The following CPNE8 variants were observed in gnomAD, a reference collection of about 807,000 sequenced individuals.
CPNE8 encodes the protein copine-8.
A neutral mutation model predicts 81.5 loss-of-function variants in CPNE8; 45 were observed. That is an observed-to-expected ratio of 0.55 (90% CI 0.44 to 0.71). The LOEUF (loss-of-function observed/expected upper bound fraction) is 0.71, where lower values mean the gene tolerates loss of function less well. CPNE8 is among the 30% of genes least tolerant of loss of function. The pLI is 0.00. For synonymous variants in CPNE8, 252 were observed against 226.3 expected (o/e 1.11, Z -1.02); for missense variants, 594 against 672.1 (o/e 0.88, Z 1.28).
At chr12:38,695,092 C>T (rs1432076159) in intron 14 of CPNE8, among the ~76,000 whole-genome samples, 2 of 152,178 alleles carry the variant, frequency 1.3e-5, no homozygotes, top group Non-Finnish European at 2.9e-5. Context: ...TTCCCCTCAA[C>T]TTGACTAAAC....
chr12:38,841,245 T>C (rs554367073), intron 4 of CPNE8, among the ~76,000 whole-genome samples: 20 of 152,242 alleles, frequency 1.3e-4, no homozygotes, highest in Admixed American at 3.3e-4. Flanking sequence ...AGACAACACC[T>C]GAACAATCTT....
At chr12:38,818,517 T>A (rs1210906120) in intron 6 of CPNE8, among the ~76,000 whole-genome samples, 1 of 152,240 alleles carries the variant, frequency 6.6e-6, no homozygotes, top group Non-Finnish European at 1.5e-5. Context: ...CATATCTTCT[T>A]TAACCAGTCT....
intron 1 of CPNE8, among the ~76,000 whole-genome samples, chr12:38,903,572 C>T (rs78058670): frequency 0.05 from 7,619 of 152,236 alleles, 617 homozygotes; most frequent in African/African-American, 0.17. Context: ...TTAAAAAGCT[C>T]ATGGAAAAAT....
At chr12:38,694,622 A>G (rs1314202871) in intron 14 of CPNE8, among the ~76,000 whole-genome samples, 1 of 152,234 alleles carries the variant, frequency 6.6e-6, no homozygotes, top group Non-Finnish European at 1.5e-5. Context: ...AGGATGTTGC[A>G]CTTGAATAGT....
At chr12:38,788,173 A>T (rs117901307) in intron 6 of CPNE8, among the ~76,000 whole-genome samples, 2,662 of 152,026 alleles carry the variant, frequency 0.018, 37 homozygotes, top group Non-Finnish European at 0.027. Context: ...AGAAAGCTAC[A>T]GGCCAATATC....
intron 5 of CPNE8, among the ~76,000 whole-genome samples, chr12:38,830,484 T>C (rs1027521277): frequency 1.3e-5 from 2 of 152,162 alleles, no homozygotes; most frequent in Non-Finnish European, 2.9e-5. Flanking sequence ...CATCTGGATA[T>C]GTAGGTCAAG....
At chr12:38,670,059 G>A (rs950837601) in intron 19 of CPNE8, among the ~76,000 whole-genome samples, 4 of 152,064 alleles carry the variant, frequency 2.6e-5, no homozygotes, top group Non-Finnish European at 5.9e-5. Flanking sequence ...GTTGACTGTC[G>A]AGCCACCCTT....
intron 19 of CPNE8, among the ~76,000 whole-genome samples, chr12:38,656,782 G>A (rs1196522365): frequency 6.6e-6 from 1 of 152,124 alleles, no homozygotes; most frequent in Non-Finnish European, 1.5e-5. Context: ...GAAAGGAACT[G>A]GCCAGCAACT....
intron 14 of CPNE8, among the ~76,000 whole-genome samples, chr12:38,700,286 T>C (rs1205247827): frequency 6.8e-6 from 1 of 147,400 alleles, no homozygotes. Flanking sequence ...TCACCCAAGC[T>C]GGAGTGCAAC....
At chr12:38,786,273 G>C (rs778350524) in intron 6 of CPNE8, among the ~76,000 whole-genome samples, 1 of 152,158 alleles carries the variant, frequency 6.6e-6, no homozygotes, top group Non-Finnish European at 1.5e-5. Flanking sequence ...AGGATACAAA[G>C]TATTGATCCT....
At chr12:38,827,864 G>A (rs1943224273) in intron 6 of CPNE8, among the ~76,000 whole-genome samples, 1 of 152,094 alleles carries the variant, frequency 6.6e-6, no homozygotes, top group Non-Finnish European at 1.5e-5. Context: ...AACTACCTAT[G>A]GGGTACTATG....
intron 1 of CPNE8, among the ~76,000 whole-genome samples, chr12:38,892,732 C>A (rs1431835720): frequency 2.0e-5 from 3 of 152,184 alleles, no homozygotes; most frequent in Non-Finnish European, 4.4e-5. Flanking sequence ...ATCCATCTGA[C>A]AATTTTACTA....
chr12:38,874,813 T>C (rs1298339583), intron 1 of CPNE8, among the ~76,000 whole-genome samples: 6 of 152,202 alleles, frequency 3.9e-5, no homozygotes, highest in African/African-American at 4.8e-5. Context: ...GAGAATTAAC[T>C]GTTTTAGGTT....
At chr12:38,853,328 C>A (rs12423003) in intron 3 of CPNE8, among the ~76,000 whole-genome samples, 2 of 151,540 alleles carry the variant, frequency 1.3e-5, no homozygotes, top group African/African-American at 4.8e-5. Flanking sequence ...TGTTATACAC[C>A]CAGAAACAGC....
At chr12:38,831,781 A>T (rs117060391) in intron 5 of CPNE8, among the ~76,000 whole-genome samples, 2,215 of 152,294 alleles carry the variant, frequency 0.015, 19 homozygotes, top group South Asian at 0.024. Context: ...AAAACTGAAG[A>T]TCTGAAATGT....
intron 6 of CPNE8, among the ~76,000 whole-genome samples, chr12:38,825,192 G>A (rs1943169264): frequency 6.6e-6 from 1 of 152,158 alleles, no homozygotes; most frequent in South Asian, 2.1e-4. Context: ...TCGAAGTTGT[G>A]TTTGTCACCA....
Position 38,653,903 on chromosome 12 carries a change from A to ATG in CPNE8, c.1672_1673dup (p.Val559MetfsTer14). The ATG allele has an allele frequency of 6.2e-7, 1 of 1,613,086 alleles. No individual in the cohort carries two copies. Among genetic ancestry groups the ATG allele is most frequent in the Non-Finnish European group, 8.5e-7 (1 of 1,179,794 alleles). ...ACAGTCATATTTGAGTCTGTAACAC[A>ATG]TGTGTAGGTGGGGTGTATGGGGGAG... On this transcript the variant is annotated frameshift_variant, in exon 20 of 20. Coordinates refer to ENST00000331366, the MANE Select transcript of CPNE8 (RefSeq NM_153634.3). LOFTEE classifies it high-confidence loss of function.
intron 14 of CPNE8, among the ~76,000 whole-genome samples, chr12:38,696,608 T>C (rs1012194317): frequency 6.6e-6 from 1 of 152,220 alleles, no homozygotes; most frequent in Non-Finnish European, 1.5e-5. Flanking sequence ...TATGTATACT[T>C]TTGTTATACC....
intron 6 of CPNE8, among the ~76,000 whole-genome samples, chr12:38,797,577 G>C (rs1217476336): frequency 1.3e-5 from 2 of 152,014 alleles, no homozygotes; most frequent in Non-Finnish European, 2.9e-5. Context: ...ACCAAAAGTA[G>C]ATAAAACCAC....
Sources: allele counts gnomAD v4.1 joint callset (sites outside exome capture counted in the v4.1 genomes callset), GRCh38; gene constraint gnomAD v4.1.1; transcripts MANE v1.5; gene names NCBI Gene and HGNC (gene_info 2026-07-23, HGNC 2026-07-21).